ERBB4: variants seen among roughly 807,000 people sequenced by gnomAD.
The protein encoded by ERBB4 is receptor tyrosine-protein kinase erbB-4.
A neutral mutation model predicts 158.0 loss-of-function variants in ERBB4; 42 were observed. That is an observed-to-expected ratio of 0.27 (90% confidence interval 0.21 to 0.34). The LOEUF (loss-of-function observed/expected upper bound fraction) is 0.34. Among genes scored for constraint, ERBB4 ranks in the 10% least tolerant of loss-of-function variants. The pLI is 1.00. For synonymous variants in ERBB4, 583 were observed against 558.7 expected, an observed-to-expected ratio of 1.04 and a Z score of -0.61; for missense variants, 1,333 against 1,624.1, an observed-to-expected ratio of 0.82 and a Z score of 3.08.
rs1015604373 is a variant in ERBB4, at chr2:211,757,977, T to C, written c.557-7273A>G. Among the ~76,000 whole-genome samples the C allele has an allele frequency of 2.1e-4, 32 of 152,152 alleles. 1 individual carries two copies. Among genetic ancestry groups the C allele is most frequent in the Admixed American group, 1.8e-3 (27 of 15,274 alleles). On this transcript the variant is annotated intron_variant, in intron 4 of 27. Transcript: ENST00000342788. Reference sequence around the variant, plus strand: ...AGCTACTCCATTTGCAGGCTGAATATAGAACTGTTTCTACATATAGATTTA... The same window carrying C: ...AGCTACTCCATTTGCAGGCTGAATACAGAACTGTTTCTACATATAGATTTA...
intron 2 of ERBB4, among the ~76,000 whole-genome samples, chr2:212,008,237 T>G (rs558891668): frequency 1.8e-4 from 28 of 152,206 alleles, no homozygotes; most frequent in Non-Finnish European, 3.8e-4. Flanking sequence ...AAAATGCAAA[T>G]TATGATACAT....
intron 1 of ERBB4, among the ~76,000 whole-genome samples, chr2:212,141,356 T>G (rs2080469838): frequency 6.6e-6 from 1 of 151,930 alleles, no homozygotes; most frequent in Non-Finnish European, 1.5e-5. Context: ...GCTCCCTGGT[T>G]CCCTCCATTT....
At chr2:212,360,134 CCTTT>C (rs1290183737) in intron 1 of ERBB4, among the ~76,000 whole-genome samples, 1 of 151,688 alleles carries the variant, frequency 6.6e-6, no homozygotes, top group African/African-American at 2.4e-5. Context: ...TAACAAAGAA[CCTTT>C]CTATCACTTC....
intron 20 of ERBB4, among the ~76,000 whole-genome samples, chr2:211,538,368 G>A (rs1199838644): frequency 6.6e-6 from 1 of 151,622 alleles, no homozygotes; most frequent in African/African-American, 2.4e-5. Context: ...AGAAAAATTT[G>A]CCTTCCCAGA....
At chr2:211,434,668 G>C (rs902575747) in intron 20 of ERBB4, among the ~76,000 whole-genome samples, 9 of 152,186 alleles carry the variant, frequency 5.9e-5, no homozygotes, top group African/African-American at 1.9e-4. Context: ...GCCTCAGCAA[G>C]TGATAGACTA....
intron 2 of ERBB4, among the ~76,000 whole-genome samples, chr2:212,000,502 T>C (rs907729416): frequency 2.6e-5 from 4 of 151,882 alleles, no homozygotes; most frequent in African/African-American, 9.7e-5. Flanking sequence ...TGAAGTTCTA[T>C]ATCCCCTCAT....
chr2:211,759,271 T>C (rs1445960759), intron 4 of ERBB4, among the ~76,000 whole-genome samples: 1 of 152,192 alleles, frequency 6.6e-6, no homozygotes. Context: ...CATCTATTGC[T>C]TGGATTAATG....
intron 27 of ERBB4, among the ~76,000 whole-genome samples, chr2:211,385,632 G>T (rs140113131): frequency 6.6e-6 from 1 of 152,258 alleles, no homozygotes; most frequent in East Asian, 1.9e-4. Context: ...TACGAGGTTA[G>T]ACTATAGCAA....
intron 2 of ERBB4, among the ~76,000 whole-genome samples, chr2:212,041,427 T>C (rs755095813): frequency 6.6e-6 from 1 of 152,104 alleles, no homozygotes; most frequent in Non-Finnish European, 1.5e-5. Flanking sequence ...TCAGGTGTGT[T>C]AAAGAATAAT....
Position 212,003,153 on chromosome 2 carries a change from GAAAGAAAGAAAGAAA to G in ERBB4, c.235-55552_235-55538del, listed in dbSNP as rs2076154723. On this transcript the variant is annotated intron_variant, in intron 2 of 27. Coordinates refer to ENST00000342788, the MANE Select transcript of ERBB4 (RefSeq NM_005235.3). ...GGAAGGAAGGAAGGAAGGAAGGAAA[GAAAGAAAGAAAGAAA>G]GAAAGAAAGAAAGAAAGAAAGAAAG... 5.8e-4 allele frequency among the ~76,000 whole-genome samples: 8 copies of G among 13,760 alleles called. 1 individual carries two copies. The highest frequency in any genetic ancestry group is 9.2e-4 in the African/African-American group (8 of 8,734). The allele number at this position is 13,760 out of a possible 152,430, so 9.0% of individuals were successfully genotyped here. A position where few individuals can be genotyped will look rare whatever the true frequency, so the allele number is the denominator to read the frequency against.
intron 1 of ERBB4, among the ~76,000 whole-genome samples, chr2:212,161,431 T>C (rs528347382): frequency 1.3e-5 from 2 of 152,066 alleles, no homozygotes; most frequent in East Asian, 1.9e-4. Context: ...AATTCCTTCA[T>C]ATTCATAATG....
chr2:211,782,132 A>G (rs1342392979), intron 4 of ERBB4, among the ~76,000 whole-genome samples: 2 of 152,092 alleles, frequency 1.3e-5, no homozygotes, highest in Non-Finnish European at 2.9e-5. Context: ...CTGACTCCAT[A>G]CTTAGTACTT....
At chr2:211,615,929 A>G (rs1486948954) in intron 19 of ERBB4, among the ~76,000 whole-genome samples, 1 of 152,124 alleles carries the variant, frequency 6.6e-6, no homozygotes, top group Admixed American at 6.6e-5. Context: ...TGTCTTTGAA[A>G]GCTTTTTTCC....
chr2:212,020,545 C>T (rs2076626184), intron 2 of ERBB4, among the ~76,000 whole-genome samples: 1 of 152,018 alleles, frequency 6.6e-6, no homozygotes, highest in African/African-American at 2.4e-5. Context: ...TTTGCTCTTT[C>T]TTTTACTTAT....
chr2:211,835,972 G>C (rs1397824804), intron 3 of ERBB4, among the ~76,000 whole-genome samples: 1 of 151,978 alleles, frequency 6.6e-6, no homozygotes, highest in Non-Finnish European at 1.5e-5. Flanking sequence ...GAGTATACAA[G>C]ACACATAAGG....
intron 20 of ERBB4, among the ~76,000 whole-genome samples, chr2:211,527,905 G>T (rs1292002193): frequency 6.6e-6 from 1 of 151,836 alleles, no homozygotes; most frequent in Non-Finnish European, 1.5e-5. Context: ...TCTAATCAGA[G>T]AAAGTCACGT....
chr2:211,922,569 A>G (rs1295044414), intron 3 of ERBB4, among the ~76,000 whole-genome samples: 1 of 152,198 alleles, frequency 6.6e-6, no homozygotes, highest in African/African-American at 2.4e-5. Flanking sequence ...CCCAACCTTT[A>G]CTGAGTTTTC....
At chr2:211,955,039 A>G (rs1458166833) in intron 2 of ERBB4, among the ~76,000 whole-genome samples, 2 of 152,046 alleles carry the variant, frequency 1.3e-5, no homozygotes, top group Non-Finnish European at 2.9e-5. Flanking sequence ...GTCTCATTTA[A>G]TTAGATTTGA....
chr2:212,398,038 A>G (rs1392091175), intron 1 of ERBB4, among the ~76,000 whole-genome samples: 2 of 152,028 alleles, frequency 1.3e-5, no homozygotes, highest in Non-Finnish European at 2.9e-5. Context: ...GAAAAGAATA[A>G]TCAGGAAATA....
Sources: gnomAD v4.1 joint callset for allele counts (sites outside exome capture counted in the v4.1 genomes callset) on GRCh38, gnomAD v4.1.1 for gene constraint, MANE v1.5 for transcripts, NCBI Gene and HGNC (gene_info 2026-07-23, HGNC 2026-07-21) for gene names.